The following TMEM178B variants were observed in gnomAD, a reference collection of about 807,000 sequenced individuals.
TMEM178B encodes the protein transmembrane protein 178B.
Under a neutral mutation model 31.0 loss-of-function variants are expected in TMEM178B, and 5 were observed. The ratio of observed to expected loss-of-function variants is 0.16; its 90% CI spans 0.08 to 0.34. The LOEUF is 0.34. Ranked by LOEUF, TMEM178B falls within the 10% of genes least tolerant of loss-of-function variation. TMEM178B has a pLI of 1.00. For synonymous variants in TMEM178B, 164 were observed against 164.0 expected (o/e 1.00, Z 0.00); for missense variants, 275 against 400.3 (o/e 0.69, Z 2.67).
At chr7:141,198,935 G>T (rs1796830030) in intron 1 of TMEM178B, among the ~76,000 whole-genome samples, 1 of 152,128 alleles carries the variant, frequency 6.6e-6, no homozygotes, top group Non-Finnish European at 1.5e-5. Flanking sequence ...TGGGAATAAG[G>T]GATAGATTAT....
chr7:141,216,448 T>TGCGC (rs143135337), intron 2 of TMEM178B, among the ~76,000 whole-genome samples: 1 of 135,840 alleles, frequency 7.4e-6, no homozygotes, highest in Non-Finnish European at 1.6e-5. Flanking sequence ...TGTGTGTGTG[T>TGCGC]GCGCGCGCGC....
chr7:141,336,763 C>T (rs1799396889), intron 2 of TMEM178B, among the ~76,000 whole-genome samples: 1 of 151,240 alleles, frequency 6.6e-6, no homozygotes, highest in African/African-American at 2.4e-5. Flanking sequence ...CCACCACCAA[C>T]ACTACAATCA....
At chr7:141,378,743 AT>A (rs1328259739) in intron 2 of TMEM178B, among the ~76,000 whole-genome samples, 8 of 152,188 alleles carry the variant, frequency 5.3e-5, no homozygotes, top group Admixed American at 5.2e-4. Flanking sequence ...TAGAGGGGCT[AT>A]TTTTTATTTC....
chr7:141,141,812 C>G (rs1042221082), intron 1 of TMEM178B, among the ~76,000 whole-genome samples: 13 of 152,036 alleles, frequency 8.6e-5, no homozygotes, highest in Non-Finnish European at 2.9e-5. Context: ...AAAAGTTAGA[C>G]TGATTAAAAA....
intron 1 of TMEM178B, among the ~76,000 whole-genome samples, chr7:141,121,860 A>G (rs1047706517): frequency 6.6e-6 from 1 of 151,956 alleles, no homozygotes; most frequent in African/African-American, 2.4e-5. Flanking sequence ...TGACTTGCTG[A>G]GCTTGTTAAC....
intron 2 of TMEM178B, among the ~76,000 whole-genome samples, chr7:141,417,839 T>C (rs1558209): frequency 0.31 from 47,304 of 151,854 alleles, 7,585 homozygotes; most frequent in Non-Finnish European, 0.33. Flanking sequence ...ATAACAATCT[T>C]GTGAGATAGG....
At chr7:141,322,122 G>A (rs368967584) in intron 2 of TMEM178B, among the ~76,000 whole-genome samples, 20 of 152,216 alleles carry the variant, frequency 1.3e-4, no homozygotes, top group African/African-American at 4.8e-4. Context: ...CTACCTGCTC[G>A]GTTGTAGAAA....
downstream of TMEM178B, among the ~76,000 whole-genome samples, chr7:141,482,519 T>G (rs970349999): frequency 6.6e-6 from 1 of 152,168 alleles, no homozygotes; most frequent in Non-Finnish European, 1.5e-5. Flanking sequence ...GCTCAACAGG[T>G]GCTTACTGGT....
the TMEM178B span, among the ~76,000 whole-genome samples, chr7:141,495,393 G>A: frequency 6.6e-6 from 1 of 152,282 alleles, no homozygotes. Context: ...TGCCTTGCTG[G>A]TGTGTTAAAG....
At chr7:141,131,782 T>C (rs993114395) in intron 1 of TMEM178B, among the ~76,000 whole-genome samples, 2 of 152,188 alleles carry the variant, frequency 1.3e-5, no homozygotes, top group Non-Finnish European at 2.9e-5. Context: ...AGTCTTTTTG[T>C]GGACAGATTT....
chr7:141,409,731 C>CTT lies in TMEM178B; in HGVS notation c.497-27865_497-27864dup, dbSNP rs35816338. Among the ~76,000 whole-genome samples the CTT allele has an allele frequency of 3.9e-3, 556 of 144,168 alleles. 4 individuals are homozygous for CTT. The highest frequency in any genetic ancestry group is 0.012 in the African/African-American group (481 of 39,360). The allele number at this position is 144,168 out of a possible 152,430, so 94.6% of individuals were successfully genotyped here. A position where few individuals can be genotyped will look rare whatever the true frequency, so the allele number is the denominator to read the frequency against. On this transcript the variant is annotated intron_variant, in intron 2 of 3. Coordinates refer to ENST00000565468, the MANE Select transcript of TMEM178B (RefSeq NM_001195278.2). ...GCTTGTCCTTTTTGACTGTCTTTGT[C>CTT]TTTTTTTTTTTTTAGAAGTAATTTC...
rs149066700 is a variant in TMEM178B at position 141,215,893 on chromosome 7, CTTCTTTCT to C, written c.496+3204_496+3211del. ...TTTTCCTCCTTCCTTCCTTCCTTTC[CTTCTTTCT>C]TTCTTTCTTTCTTTTTTTTTTTTTG... On this transcript the variant is annotated intron_variant, in intron 2 of 3. Coordinates refer to ENST00000565468, the MANE Select transcript of TMEM178B (RefSeq NM_001195278.2). Among the ~76,000 whole-genome samples the C allele has an allele frequency of 1.2e-4, 15 of 120,414 alleles. 1 individual carries two copies. The highest frequency in any genetic ancestry group is 2.6e-4 in the Admixed American group (3 of 11,712). The allele number at this position is 120,414 out of a possible 152,430, so 79.0% of individuals were successfully genotyped here. A position where few individuals can be genotyped will look rare whatever the true frequency, so the allele number is the denominator to read the frequency against.
intron 3 of TMEM178B, among the ~76,000 whole-genome samples, chr7:141,460,794 A>G (rs1802046725): frequency 6.6e-6 from 1 of 152,156 alleles, no homozygotes; most frequent in Non-Finnish European, 1.5e-5. Context: ...GAGTCTTTGC[A>G]CAGCTTGCAG....
intron 1 of TMEM178B, among the ~76,000 whole-genome samples, chr7:141,196,687 C>T (rs1563114430): frequency 6.6e-6 from 1 of 152,082 alleles, no homozygotes; most frequent in African/African-American, 2.4e-5. Context: ...CTGGGTGCGT[C>T]GAATATCAAA....
chr7:141,187,652 T>C (rs1288196611), intron 1 of TMEM178B, among the ~76,000 whole-genome samples: 3 of 152,238 alleles, frequency 2.0e-5, no homozygotes, highest in African/African-American at 7.2e-5. Flanking sequence ...TGTGAGATGG[T>C]ATCTCATTGT....
At chr7:141,219,053 A>G (rs2129189080) in intron 2 of TMEM178B, among the ~76,000 whole-genome samples, 1 of 152,370 alleles carries the variant, frequency 6.6e-6, no homozygotes, top group Non-Finnish European at 1.5e-5. Flanking sequence ...AACTAACAGT[A>G]ATAACAACAG....
At chr7:141,128,728 C>T (rs1010917063) in intron 1 of TMEM178B, among the ~76,000 whole-genome samples, 2 of 152,030 alleles carry the variant, frequency 1.3e-5, no homozygotes, top group African/African-American at 4.8e-5. Flanking sequence ...TTTCCTGATT[C>T]CCACATCACT....
intron 1 of TMEM178B, among the ~76,000 whole-genome samples, chr7:141,110,682 G>A (rs1412625632): frequency 6.6e-6 from 1 of 152,166 alleles, no homozygotes; most frequent in East Asian, 1.9e-4. Context: ...CCAGAGAATA[G>A]CAAATTTCTC....
intron 2 of TMEM178B, among the ~76,000 whole-genome samples, chr7:141,317,994 G>A (rs1799035770): frequency 1.3e-5 from 2 of 152,142 alleles, no homozygotes; most frequent in South Asian, 4.1e-4. Flanking sequence ...TATTTTATTA[G>A]ATTTTGGCTT....
Sources: gnomAD v4.1 joint callset for allele counts (sites outside exome capture counted in the v4.1 genomes callset) on GRCh38, gnomAD v4.1.1 for gene constraint, MANE v1.5 for transcripts, NCBI Gene and HGNC (gene_info 2026-07-23, HGNC 2026-07-21) for gene names.